The following PHTF2 variants were observed in gnomAD, a reference collection of about 807,000 sequenced individuals.
PHTF2 encodes the protein putative homeodomain transcription factor 2, also known as protein PHTF2.
A neutral mutation model predicts 101.2 loss-of-function variants in PHTF2; 60 were observed. The observed-to-expected ratio is 0.59, with a 90% CI of 0.48 to 0.73. The LOEUF (loss-of-function observed/expected upper bound fraction) is 0.73. Ranked by LOEUF, PHTF2 falls within the 30% of genes least tolerant of loss-of-function variation. The pLI, the probability that PHTF2 is intolerant of heterozygous loss-of-function variation, is 0.00. For synonymous variants in PHTF2, 311 were observed against 307.3 expected (o/e 1.01, Z -0.13); for missense variants, 747 against 908.7 (o/e 0.82, Z 2.29).
Position 77,893,593 on chromosome 7 carries a change from G to A in PHTF2, c.148-15G>A, listed in dbSNP as rs373475784. 800 of 1,224,354 alleles carry A rather than the reference G, an allele frequency of 6.5e-4. 1 individual carries two copies. The highest frequency in any genetic ancestry group is 8.6e-4 in the Non-Finnish European group (731 of 847,296). The allele number at this position is 1,224,354 out of a possible 1,614,324, so 75.8% of individuals were successfully genotyped here. A position where few individuals can be genotyped will look rare whatever the true frequency, so the allele number is the denominator to read the frequency against. On this transcript the variant is annotated splice_polypyrimidine_tract_variant and intron_variant, in intron 3 of 19. Coordinates refer to ENST00000416283, the Ensembl canonical transcript of PHTF2. ...ACCAGCAATGACCATTTAATGTAGT[G>A]TCTTCTTTTCATAGATTGGAGCATA...
intron 1 of PHTF2, among the ~76,000 whole-genome samples, chr7:77,830,046 A>G (rs994525392): frequency 6.6e-6 from 1 of 152,300 alleles, no homozygotes; most frequent in East Asian, 1.9e-4. Context: ...ACTTTTTAAT[A>G]TGGTGTGTAA....
rs753986766 is a variant in PHTF2 at position 77,949,692 on chromosome 7, C to G, written c.1974C>G (p.His658Gln). The G allele has an allele frequency of 7.0e-6, 11 of 1,568,848 alleles. No homozygotes were observed. Among genetic ancestry groups the G allele is most frequent in the South Asian group, 5.8e-5 (5 of 85,732 alleles). ...CATACTTTTAGCTACTTCATGTACA[C>G]GAGATCTTCCTTGATTGTCACTACA... Residue 658 changes from histidine (H) to glutamine (Q), a missense_variant, in exon 17 of 20, where the codon CAC becomes CAG. Coordinates refer to ENST00000416283, the Ensembl canonical transcript of PHTF2.
intron 1 of PHTF2, among the ~76,000 whole-genome samples, chr7:77,830,467 C>T (rs1794995102): frequency 6.6e-6 from 1 of 152,196 alleles, no homozygotes; most frequent in African/African-American, 2.4e-5. Context: ...AGCTGCCTCC[C>T]ATCACTTCCA....
At chr7:77,868,811 C>T (rs1009301601) in intron 3 of PHTF2, among the ~76,000 whole-genome samples, 1 of 152,130 alleles carries the variant, frequency 6.6e-6, no homozygotes, top group Non-Finnish European at 1.5e-5. Flanking sequence ...ATCTCTGAGA[C>T]TCAGTTTCCT....
At chr7:77,942,607 T>A in intron 15 of PHTF2, 93 bp from the exon 15 acceptor site, 1 of 657,210 alleles carries the variant, frequency 1.5e-6, no homozygotes, top group South Asian at 2.2e-5. Flanking sequence ...TGGTGATGAG[T>A]CAACACCTTT....
chr7:77,956,290 A>G (rs1170948455), exon 20 of PHTF2: 1 of 152,566 alleles, frequency 6.6e-6, no homozygotes, highest in Non-Finnish European at 1.5e-5. Flanking sequence ...TTAATTGTAA[A>G]TAATTTATTT....
chr7:77,939,564 TG>T (rs1805455106), intron 13 of PHTF2, among the ~76,000 whole-genome samples: 1 of 133,560 alleles, frequency 7.5e-6, no homozygotes, highest in Non-Finnish European at 1.5e-5. Context: ...TACTCCAGCC[TG>T]GGCAATAGAG....
chr7:77,847,167 C>T (rs1370627370), intron 2 of PHTF2, among the ~76,000 whole-genome samples: 1 of 152,164 alleles, frequency 6.6e-6, no homozygotes, highest in African/African-American at 2.4e-5. Flanking sequence ...TTTCTGAAAG[C>T]ATCCTAAGTG....
chr7:77,938,236 T>G (rs1805323210), intron 13 of PHTF2, among the ~76,000 whole-genome samples: 1 of 152,196 alleles, frequency 6.6e-6, no homozygotes, highest in African/African-American at 2.4e-5. Context: ...TTCTTACTGG[T>G]TCATTTGTTT....
intron 3 of PHTF2, among the ~76,000 whole-genome samples, chr7:77,883,726 C>G (rs768138238): frequency 1.3e-4 from 20 of 152,074 alleles, no homozygotes; most frequent in Non-Finnish European, 2.5e-4. Flanking sequence ...TTCTTTGTAC[C>G]TTCTCCCCAC....
chr7:77,898,055 G>A (rs1801038647), intron 5 of PHTF2, among the ~76,000 whole-genome samples: 1 of 146,060 alleles, frequency 6.8e-6, no homozygotes, highest in South Asian at 2.3e-4. Flanking sequence ...AAATTTTATT[G>A]AAACTGGCTA....
chr7:77,901,017 C>T (rs1041321369), intron 6 of PHTF2, among the ~76,000 whole-genome samples: 16 of 152,186 alleles, frequency 1.1e-4, no homozygotes, highest in African/African-American at 9.7e-5. Context: ...AGAAGGCAAG[C>T]GGGACCAGGC....
At chr7:77,892,289 C>CA (rs1019213030) in intron 3 of PHTF2, among the ~76,000 whole-genome samples, 5 of 151,502 alleles carry the variant, frequency 3.3e-5, no homozygotes, top group East Asian at 1.9e-4. Flanking sequence ...GACTCTATCT[C>CA]AAAAAAAAGA....
At chr7:77,947,837 C>CT (rs71082798) in intron 16 of PHTF2, among the ~76,000 whole-genome samples, 2,424 of 73,742 alleles carry the variant, frequency 0.033, 316 homozygotes, top group African/African-American at 0.11. Context: ...TTTTTTCTTT[C>CT]TTTTTTTTTT....
intron 13 of PHTF2, among the ~76,000 whole-genome samples, chr7:77,938,690 T>C (rs867143102): frequency 1.3e-5 from 2 of 152,150 alleles, no homozygotes; most frequent in Admixed American, 1.3e-4. Flanking sequence ...GGCAGGAGAA[T>C]GGCATTAACC....
intron 3 of PHTF2, among the ~76,000 whole-genome samples, chr7:77,884,419 A>T (rs1057319026): frequency 3.9e-5 from 6 of 151,946 alleles, no homozygotes; most frequent in Non-Finnish European, 8.8e-5. Context: ...ATAGTCCATT[A>T]TATCACTCTC....
rs75390956 is a variant in PHTF2 at position 77,933,631 on chromosome 7, C to G, written c.1339-4079C>G. Among the ~76,000 whole-genome samples, 1,251 of 151,602 alleles carry G rather than the reference C, an allele frequency of 8.3e-3. 25 individuals are homozygous for G. The highest frequency in any genetic ancestry group is 0.029 in the African/African-American group (1,216 of 41,262). On this transcript the variant is annotated intron_variant, in intron 12 of 19. Coordinates refer to ENST00000416283, the Ensembl canonical transcript of PHTF2. Reference sequence around the variant, plus strand: ...TCATCTAAGTCACTGAGACTAACAACTGGAGTTAAGATTGAGGGAAATGCC... The same window carrying G: ...TCATCTAAGTCACTGAGACTAACAAGTGGAGTTAAGATTGAGGGAAATGCC...
intron 1 of PHTF2, among the ~76,000 whole-genome samples, chr7:77,834,872 A>G (rs1334146115): frequency 6.6e-6 from 1 of 152,216 alleles, no homozygotes; most frequent in Non-Finnish European, 1.5e-5. Flanking sequence ...CATATGACCA[A>G]GTGACCTGTG....
intron 12 of PHTF2, among the ~76,000 whole-genome samples, chr7:77,930,745 A>G (rs1295579791): frequency 6.6e-6 from 1 of 152,314 alleles, no homozygotes; most frequent in Non-Finnish European, 1.5e-5. Flanking sequence ...CTGGTTTACA[A>G]CAGCTATCTT....
Sources: gnomAD v4.1 joint callset for allele counts (sites outside exome capture counted in the v4.1 genomes callset) on GRCh38, gnomAD v4.1.1 for gene constraint, MANE v1.5 for transcripts, NCBI Gene and HGNC (gene_info 2026-07-23, HGNC 2026-07-21) for gene names.